Variants in GCNT1 observed in about 807,000 individuals in gnomAD.
The protein encoded by GCNT1 is beta-1,3-galactosyl-O-glycosyl-glycoprotein beta-1,6-N-acetylglucosaminyltransferase.
GCNT1 carries 16 observed loss-of-function variants against 26.2 expected under a neutral mutation model. The ratio of observed to expected loss-of-function variants is 0.61; its 90% CI spans 0.41 to 0.93. The LOEUF (loss-of-function observed/expected upper bound fraction) is 0.93, where lower values mean the gene tolerates loss of function less well. Ranked by LOEUF, GCNT1 falls within the 40% of genes least tolerant of loss-of-function variation. GCNT1 has a pLI of 0.00. For missense variants in GCNT1, 477 were observed against 526.7 expected (o/e 0.91, Z 0.92); for synonymous variants, 183 against 190.8 (o/e 0.96, Z 0.34).
At chr9:76,478,147 A>C (rs1824300757) in intron 2 of GCNT1, among the ~76,000 whole-genome samples, 2 of 152,236 alleles carry the variant, frequency 1.3e-5, no homozygotes, top group African/African-American at 4.8e-5. Context: ...AAAGCTGGCC[A>C]TCCCAGCGAG....
chr9:76,460,883 GTTT>G, intron 2 of GCNT1, among the ~76,000 whole-genome samples: 1 of 152,150 alleles, frequency 6.6e-6, no homozygotes, highest in Non-Finnish European at 1.5e-5. Context: ...TTGGCCCCAA[GTTT>G]GTACTAGATT....
intron 2 of GCNT1, among the ~76,000 whole-genome samples, chr9:76,495,086 T>C (rs1433515213): frequency 6.6e-6 from 1 of 152,084 alleles, no homozygotes; most frequent in East Asian, 1.9e-4. Context: ...GCCACCGAAT[T>C]CTAAGGAAAA....
rs1212288091 is a variant in GCNT1, at chr9:76,503,953, G to C, written c.*285G>C. The C allele has an allele frequency of 2.4e-6, 1 of 421,778 alleles. No individual in the cohort carries two copies. The highest frequency in any genetic ancestry group is 4.5e-6 in the Non-Finnish European group (1 of 220,750). The allele number at this position is 421,778 out of a possible 1,614,324, so 26.1% of individuals were successfully genotyped here. The stretch of plus-strand genomic sequence containing the variant: ...GTGGAAAGAGGGGACCAGGGTGGCT[G>C]GGGAAGAGGCCGATGCATAAAGTCA... On this transcript the variant is annotated 3_prime_UTR_variant, in exon 4 of 4. Coordinates refer to ENST00000376730, the MANE Select transcript of GCNT1 (RefSeq NM_001490.5).
rs566193119 is a variant in GCNT1 at position 76,502,520 on chromosome 9, G to A, written c.139G>A (p.Glu47Lys). Residue 47 changes from glutamate (E) to lysine (K), a missense_variant, in exon 4 of 4, where the codon GAG becomes AAG. Physicochemically the swap from Glu to Lys is moderately conservative, Grantham distance 56. Transcript: ENST00000376730. ...KPEFVSVRHL[E>K]LAGENPSSDI... is the part of the protein sequence containing the mutation. ...TGAATTTGTAAGTGTCAGACACTTGGAGCTTGCTGGGGAGAATCCTAGTAG... is the reference window on the plus strand; with the variant it reads ...TGAATTTGTAAGTGTCAGACACTTGAAGCTTGCTGGGGAGAATCCTAGTAG... 1.0e-4 allele frequency: 169 copies of A among 1,613,862 alleles called. No homozygotes were observed. Among genetic ancestry groups the A allele is most frequent in the Non-Finnish European group, 1.3e-4 (152 of 1,179,890 alleles).
At chr9:76,399,569 A>G in the GCNT1 span, 580 of 1,375,256 alleles carry the variant, frequency 4.2e-4, no homozygotes, top group Admixed American at 1.4e-3. Flanking sequence ...GGTAGGAGCA[A>G]CCACTGACTG....
intron 1 of GCNT1, among the ~76,000 whole-genome samples, chr9:76,447,629 A>G (rs1343530483): frequency 6.6e-6 from 1 of 152,086 alleles, no homozygotes; most frequent in African/African-American, 2.4e-5. Context: ...TAACTTTTTT[A>G]TAGTTATACA....
Position 76,503,100 on chromosome 9 carries a change from A to G in GCNT1, c.719A>G (p.Asn240Ser), listed in dbSNP as rs200042546. 4 of 1,614,208 alleles carry G rather than the reference A, an allele frequency of 2.5e-6. No homozygotes were observed. The highest frequency in any genetic ancestry group is 3.4e-6 in the Non-Finnish European group (4 of 1,180,038). ...AAGCTCAAGTTGTTAATGGGAGAAA[A>G]CAACCTGGAAACGGAGAGGATGCCA... The part of the protein sequence containing the change: ...VRKLKLLMGE[N>S]NLETERMPSH... The change falls in exon 4 of 4, where the codon AAC (asparagine) becomes AGC (serine). Residue 240 changes from asparagine (N) to serine (S), a missense_variant. Transcript: ENST00000376730.
intron 2 of GCNT1, among the ~76,000 whole-genome samples, chr9:76,473,047 C>T (rs563516452): frequency 1.1e-4 from 16 of 152,148 alleles, no homozygotes; most frequent in African/African-American, 3.9e-4. Flanking sequence ...CTGTGCCCTG[C>T]GACACTTGTC....
chr9:76,500,489 T>TG (rs1338653517), intron 2 of GCNT1, among the ~76,000 whole-genome samples: 1 of 151,966 alleles, frequency 6.6e-6, no homozygotes, highest in Non-Finnish European at 1.5e-5. Flanking sequence ...AGGTGTGGAG[T>TG]GGGGTGGTGA....
chr9:76,443,350 A>G (rs1395531558), intron 1 of GCNT1, among the ~76,000 whole-genome samples: 2 of 152,252 alleles, frequency 1.3e-5, no homozygotes, highest in Non-Finnish European at 2.9e-5. Context: ...CGTATTTATT[A>G]ACAGCAAGCC....
At chr9:76,445,196 C>T (rs1316746477) in intron 1 of GCNT1, among the ~76,000 whole-genome samples, 2 of 151,980 alleles carry the variant, frequency 1.3e-5, no homozygotes, top group African/African-American at 2.4e-5. Context: ...AAGAATTGCT[C>T]GGATGATGTT....
Position 76,503,477 on chromosome 9 carries a change from G to A in GCNT1, c.1096G>A (p.Gly366Ser). ...WQYFEGDVSKGAPYPPCDGVH... is the reference protein window; with the variant it reads ...WQYFEGDVSKSAPYPPCDGVH... ...GTACTTTGAGGGTGATGTTTCCAAGGGTGCTCCCTACCCGCCCTGCGATGG... is the reference window on the plus strand; with the variant it reads ...GTACTTTGAGGGTGATGTTTCCAAGAGTGCTCCCTACCCGCCCTGCGATGG... Residue 366 changes from glycine (G) to serine (S), a missense_variant, in exon 4 of 4, where the codon GGT becomes AGT. Coordinates refer to ENST00000376730, the MANE Select transcript of GCNT1 (RefSeq NM_001490.5). The A allele has an allele frequency of 1.9e-6, 3 of 1,614,094 alleles. No homozygotes were observed. The highest frequency in any genetic ancestry group is 2.5e-6 in the Non-Finnish European group (3 of 1,180,010).
At position 76,502,306 on chromosome 9, in the gene GCNT1, G is replaced by C; in HGVS notation, c.-76G>C. The stretch of plus-strand genomic sequence containing the variant: ...GCAAACTGACAACCTTCAAGGCCAC[G>C]ACGGAGGGAAAATCATTGGTGCTTG... On this transcript the variant is annotated 5_prime_UTR_variant, in exon 4 of 4. Transcript: ENST00000376730. 2.0e-6 allele frequency: 2 copies of C among 1,025,482 alleles called. No individual in the cohort carries two copies. Among genetic ancestry groups the C allele is most frequent in the East Asian group, 4.8e-5 (2 of 41,912 alleles). 63.5% of individuals were successfully genotyped at this position (1,025,482 alleles called of 1,614,324 possible).
chr9:76,423,227 A>G (rs1168500015), intron 1 of GCNT1, among the ~76,000 whole-genome samples: 3 of 152,174 alleles, frequency 2.0e-5, no homozygotes, highest in African/African-American at 4.8e-5. Flanking sequence ...GTGTCCCCCA[A>G]AGTTCATGTG....
At chr9:76,400,866 G>T in the GCNT1 span, among the ~76,000 whole-genome samples, 1 of 152,178 alleles carries the variant, frequency 6.6e-6, no homozygotes, top group Non-Finnish European at 1.5e-5. Flanking sequence ...TCCAAGAAAG[G>T]GATGTGCAGT....
rs1156270232 is a variant in GCNT1, at chr9:76,504,649, A to G, written c.*981A>G. ...ATTTCCGATGCCCATGATGAGTTTA[A>G]AAACCAGCATTGACACCATCCCCAA... On this transcript the variant is annotated 3_prime_UTR_variant, in exon 4 of 4. Transcript: ENST00000376730. 4.8e-6 allele frequency: 2 copies of G among 412,466 alleles called. No homozygotes were observed. Among genetic ancestry groups the G allele is most frequent in the Non-Finnish European group, 8.8e-6 (2 of 226,020 alleles). The allele number at this position is 412,466 out of a possible 1,614,324, so 25.6% of individuals were successfully genotyped here. A position where few individuals can be genotyped will look rare whatever the true frequency, so the allele number is the denominator to read the frequency against.
chr9:76,501,108 G>A (rs1332931417), intron 3 of GCNT1, 47 bp downstream of exon 3: 1 of 151,998 alleles, frequency 6.6e-6, no homozygotes, highest in Non-Finnish European at 1.5e-5. Context: ...TATTAATGAT[G>A]GTCAGTTATT....
chr9:76,498,011 C>T (rs1824958848), intron 2 of GCNT1, among the ~76,000 whole-genome samples: 1 of 152,186 alleles, frequency 6.6e-6, no homozygotes, highest in Non-Finnish European at 1.5e-5. Context: ...TCCCCAGCCC[C>T]TGGCAGACAC....
At chr9:76,499,865 A>G (rs1297475928) in intron 2 of GCNT1, among the ~76,000 whole-genome samples, 6 of 151,232 alleles carry the variant, frequency 4.0e-5, no homozygotes, top group Non-Finnish European at 8.8e-5. Context: ...CTATTTTTCT[A>G]CCTCCCCAAA....
Sources: allele counts gnomAD v4.1 joint callset (sites outside exome capture counted in the v4.1 genomes callset), GRCh38; gene constraint gnomAD v4.1.1; transcripts MANE v1.5; gene names NCBI Gene and HGNC (gene_info 2026-07-23, HGNC 2026-07-21).